Variants in TRERF1 observed in about 807,000 individuals in gnomAD.
TRERF1 encodes transcriptional regulating factor 1.
TRERF1 carries 27 observed loss-of-function variants against 122.9 expected under a neutral mutation model. That is an observed-to-expected ratio of 0.22 (90% CI 0.16 to 0.30). The LOEUF is 0.30. Among genes scored for constraint, TRERF1 ranks in the 10% least tolerant of loss-of-function variants. TRERF1 has a pLI of 1.00. For synonymous variants in TRERF1, 636 were observed against 641.7 expected (o/e 0.99, Z 0.13); for missense variants, 1,248 against 1,560.3 (o/e 0.80, Z 3.37).
chr6:42,379,905 T>C (rs1240399330), intron 2 of TRERF1, among the ~76,000 whole-genome samples: 1 of 152,186 alleles, frequency 6.6e-6, no homozygotes, highest in Non-Finnish European at 1.5e-5. Context: ...GTTTTGGTGT[T>C]TACGTTCCAC....
intron 2 of TRERF1, among the ~76,000 whole-genome samples, chr6:42,414,047 G>A (rs575025135): frequency 4.3e-4 from 66 of 152,212 alleles, no homozygotes; most frequent in Middle Eastern, 6.8e-3. Context: ...ACTGATACAA[G>A]GAATTTTATG....
At chr6:42,362,492 G>A (rs1019647133) in intron 3 of TRERF1, among the ~76,000 whole-genome samples, 1 of 152,208 alleles carries the variant, frequency 6.6e-6, no homozygotes, top group Non-Finnish European at 1.5e-5. Flanking sequence ...GGGAGGCCCG[G>A]CAGAGGAATC....
At chr6:42,329,414 C>T (rs958242338) in intron 3 of TRERF1, among the ~76,000 whole-genome samples, 1 of 152,086 alleles carries the variant, frequency 6.6e-6, no homozygotes, top group African/African-American at 2.4e-5. Context: ...CTCCAGCCAG[C>T]AGCTCCCAGG....
intron 2 of TRERF1, among the ~76,000 whole-genome samples, chr6:42,417,328 G>GCTGAGGCCAGCAGCCC (rs2307594): frequency 2.0e-5 from 3 of 151,826 alleles, no homozygotes; most frequent in African/African-American, 7.3e-5. Flanking sequence ...CTACCCCACG[G>GCTGAGGCCAGCAGCCC]ACCCCACTCC....
At chr6:42,448,766 A>G (rs1787976570) in intron 2 of TRERF1, among the ~76,000 whole-genome samples, 1 of 152,194 alleles carries the variant, frequency 6.6e-6, no homozygotes, top group East Asian at 1.9e-4. Flanking sequence ...GCATCAAACT[A>G]CTTTAAGTTC....
At chr6:42,357,536 G>A (rs1581764636) in intron 3 of TRERF1, among the ~76,000 whole-genome samples, 1 of 152,120 alleles carries the variant, frequency 6.6e-6, no homozygotes, top group South Asian at 2.1e-4. Context: ...CTGAGATCAC[G>A]TCCTTGTTTA....
chr6:42,368,393 C>A (rs966316586), intron 2 of TRERF1, among the ~76,000 whole-genome samples: 1 of 152,034 alleles, frequency 6.6e-6, no homozygotes. Flanking sequence ...GTTTCCTCGC[C>A]CCCCCAAGTT....
intron 3 of TRERF1, among the ~76,000 whole-genome samples, chr6:42,311,437 G>T (rs966354496): frequency 6.6e-6 from 1 of 152,104 alleles, no homozygotes; most frequent in East Asian, 1.9e-4. Flanking sequence ...CGGCAGGTGC[G>T]GTCAGCAAGG....
intron 2 of TRERF1, among the ~76,000 whole-genome samples, chr6:42,364,661 CT>C (rs1364361218): frequency 6.6e-6 from 1 of 152,206 alleles, no homozygotes; most frequent in Non-Finnish European, 1.5e-5. Flanking sequence ...CGTGGGTGAC[CT>C]TAGAGAGGGC....
rs868821970 is a variant in TRERF1 at position 42,388,283 on chromosome 6, C to T, written c.-453-25204G>A. On this transcript the variant is annotated intron_variant, in intron 2 of 17. Transcript: ENST00000372922. ...CAGTACTGGAACAGGATGGGAAATA[C>T]TAACATGAAGTTGGGTTCGAATTAT... Among the ~76,000 whole-genome samples the T allele has an allele frequency of 3.3e-5, 5 of 149,956 alleles. No individual in the cohort carries two copies. The South Asian group carries it at 1.0e-3, about 31-fold the overall frequency.
downstream of TRERF1, chr6:42,225,172 G>A (rs927278957): frequency 2.0e-5 from 3 of 149,314 alleles, no homozygotes; most frequent in Non-Finnish European, 4.4e-5. Flanking sequence ...TCACTTGGAG[G>A]GGAAACAACC....
chr6:42,430,529 C>T (rs907249141), intron 2 of TRERF1, among the ~76,000 whole-genome samples: 5 of 152,188 alleles, frequency 3.3e-5, no homozygotes, highest in Non-Finnish European at 7.3e-5. Context: ...ACGGGTGGAT[C>T]ACTTGAAGTC....
intron 4 of TRERF1, among the ~76,000 whole-genome samples, chr6:42,283,156 T>C (rs67129470): frequency 0.027 from 4,155 of 152,260 alleles, 57 homozygotes; most frequent in Non-Finnish European, 0.037. Context: ...AAAAATGCCA[T>C]ACTAAATACA....
chr6:42,228,209 T>C lies in TRERF1; in HGVS notation c.*136A>G, dbSNP rs1769804586. ...AAGGAAAAGAAATAGGATTTTTTTT[T>C]CTAAACCTGAATAAAATGACCACTT... On this transcript the variant is annotated 3_prime_UTR_variant, in exon 18 of 18. Coordinates refer to ENST00000372922, the Ensembl canonical transcript of TRERF1. The surrounding 1 kb of genome is among the most constrained non-coding windows in gnomAD (Gnocchi z 4.2). The C allele has an allele frequency of 3.8e-6, 3 of 781,382 alleles. No individual in the cohort carries two copies. The highest frequency in any genetic ancestry group is 5.5e-6 in the Non-Finnish European group (3 of 542,160). The allele number at this position is 781,382 out of a possible 1,614,324, so 48.4% of individuals were successfully genotyped here.
chr6:42,391,772 T>C (rs949383750), intron 2 of TRERF1, among the ~76,000 whole-genome samples: 1 of 152,170 alleles, frequency 6.6e-6, no homozygotes. Context: ...CCTCAGAACA[T>C]GGAGCAGTGG....
At chr6:42,390,748 G>C (rs535057722) in intron 2 of TRERF1, among the ~76,000 whole-genome samples, 2 of 152,230 alleles carry the variant, frequency 1.3e-5, no homozygotes. Flanking sequence ...GAAAACAGTT[G>C]TGGGCGAGCT....
At chr6:42,409,437 T>C (rs1334646973) in intron 2 of TRERF1, among the ~76,000 whole-genome samples, 2 of 152,192 alleles carry the variant, frequency 1.3e-5, no homozygotes, top group Non-Finnish European at 2.9e-5. Context: ...TTTCAAAACA[T>C]CCTTTGATAT....
rs1459354072 is a variant in TRERF1 at position 42,275,292 on chromosome 6, C to A, written c.-258-5444G>T. ...TCTACTGGGTAATTTGTACCAGGAG[C>A]TTTTTCATTCATGAACTAATTAACA... On this transcript the variant is annotated intron_variant, in intron 4 of 17. Coordinates refer to ENST00000372922, the Ensembl canonical transcript of TRERF1. This position sits in a 1 kb window ranked among gnomAD's most constrained non-coding sequence, Gnocchi z 4.1. 6.6e-6 allele frequency among the ~76,000 whole-genome samples: 1 copy of A among 152,214 alleles called. No homozygotes were observed. Among genetic ancestry groups the A allele is most frequent in the Non-Finnish European group, 1.5e-5 (1 of 68,044 alleles).
rs752644592 is a variant in TRERF1, at chr6:42,259,249, T to C, written c.2269+90A>G. The C allele has an allele frequency of 4.9e-5, 70 of 1,426,856 alleles. No homozygotes were observed. Among genetic ancestry groups the C allele is most frequent in the Admixed American group, 8.9e-5 (3 of 33,656 alleles). The allele number at this position is 1,426,856 out of a possible 1,614,324, so 88.4% of individuals were successfully genotyped here. On this transcript the variant is annotated intron_variant, in intron 9 of 17. Transcript: ENST00000372922. The surrounding 1 kb of genome is among the most constrained non-coding windows in gnomAD (Gnocchi z 4.9). ...ACAGCCAATACTCCGCAAAAGTCTG[T>C]GGGATAAATGAGAAAGCTAAAGAAA... is the stretch of plus-strand genomic sequence containing the variant.
Sources: allele counts gnomAD v4.1 joint callset (sites outside exome capture counted in the v4.1 genomes callset), GRCh38; gene constraint gnomAD v4.1.1; non-coding constraint Gnocchi (gnomAD v3.1); transcripts MANE v1.5; gene names NCBI Gene and HGNC (gene_info 2026-07-23, HGNC 2026-07-21).